PCSK2: variants seen among roughly 807,000 people sequenced by gnomAD.
The protein encoded by PCSK2 is neuroendocrine convertase 2.
In PCSK2, 14 loss-of-function variants were observed where a neutral mutation model predicts 69.7. The observed-to-expected ratio is 0.20, with a 90% CI of 0.13 to 0.31. The LOEUF is 0.31. PCSK2 is among the 10% of genes least tolerant of loss of function. The pLI is 1.00. For missense variants in PCSK2, 544 were observed against 842.5 expected (o/e 0.65, Z 4.39); for synonymous variants, 307 against 320.7 (o/e 0.96, Z 0.46).
chr20:17,342,858 A>G (rs1990546708), intron 2 of PCSK2, among the ~76,000 whole-genome samples: 1 of 150,440 alleles, frequency 6.6e-6, no homozygotes, highest in Non-Finnish European at 1.5e-5. Context: ...GTCTTGCTAT[A>G]TTGCCCAGGC....
At chr20:17,461,250 A>G (rs2033009657) in intron 10 of PCSK2, among the ~76,000 whole-genome samples, 1 of 152,200 alleles carries the variant, frequency 6.6e-6, no homozygotes, top group Non-Finnish European at 1.5e-5. Context: ...GACGTGAGCA[A>G]ACAAAGGCTA....
At chr20:17,431,129 T>A (rs2032356654) in intron 7 of PCSK2, among the ~76,000 whole-genome samples, 1 of 150,878 alleles carries the variant, frequency 6.6e-6, no homozygotes, top group African/African-American at 2.4e-5. Flanking sequence ...GAAGCCAGAG[T>A]GAGGGAGTTG....
chr20:17,380,992 C>A (rs992006968), intron 5 of PCSK2, among the ~76,000 whole-genome samples: 7 of 152,158 alleles, frequency 4.6e-5, no homozygotes, highest in African/African-American at 1.7e-4. Context: ...AATCACTTGC[C>A]TACAAGCTTT....
chr20:17,278,846 T>A (rs1444440942), intron 2 of PCSK2, among the ~76,000 whole-genome samples: 1 of 151,494 alleles, frequency 6.6e-6, no homozygotes, highest in Admixed American at 6.6e-5. Context: ...AAGACCTCTG[T>A]TGCCTTTTTT....
intron 2 of PCSK2, among the ~76,000 whole-genome samples, chr20:17,345,969 A>G (rs549899467): frequency 6.0e-4 from 91 of 152,286 alleles, no homozygotes; most frequent in Non-Finnish European, 1.0e-3. Flanking sequence ...AGCTCTTTCC[A>G]TTGAAGCTTG....
At chr20:17,403,863 G>A (rs1006662236) in intron 5 of PCSK2, among the ~76,000 whole-genome samples, 1 of 152,184 alleles carries the variant, frequency 6.6e-6, no homozygotes, top group East Asian at 1.9e-4. Context: ...TCGGGTTTGT[G>A]CACAACTATA....
At chr20:17,323,471 T>G (rs1989940659) in intron 2 of PCSK2, among the ~76,000 whole-genome samples, 1 of 152,144 alleles carries the variant, frequency 6.6e-6, no homozygotes, top group Non-Finnish European at 1.5e-5. Context: ...CAAACTAATA[T>G]AATCGGTTCA....
intron 6 of PCSK2, among the ~76,000 whole-genome samples, chr20:17,419,902 A>G (rs1378935363): frequency 6.6e-6 from 1 of 152,202 alleles, no homozygotes; most frequent in Non-Finnish European, 1.5e-5. Context: ...AGCATACTCT[A>G]TCTATTAAAC....
intron 2 of PCSK2, among the ~76,000 whole-genome samples, chr20:17,333,003 TG>T (rs780208924): frequency 6.6e-6 from 1 of 152,200 alleles, no homozygotes; most frequent in Non-Finnish European, 1.5e-5. Context: ...AGAACATCAT[TG>T]GGACAATTGA....
chr20:17,437,924 A>G (rs1223625621), intron 8 of PCSK2, among the ~76,000 whole-genome samples: 3 of 152,120 alleles, frequency 2.0e-5, no homozygotes, highest in African/African-American at 7.2e-5. Flanking sequence ...CGCGTGGCAC[A>G]GCTCCCACCC....
chr20:17,330,783 G>T (rs1029178516), intron 2 of PCSK2, among the ~76,000 whole-genome samples: 1 of 152,130 alleles, frequency 6.6e-6, no homozygotes, highest in Non-Finnish European at 1.5e-5. Flanking sequence ...AACAATCCAG[G>T]CCTCAGGATG....
intron 5 of PCSK2, 134 bp downstream of exon 5, chr20:17,369,411 CACACA>C: frequency 1.4e-6 from 1 of 740,142 alleles, no homozygotes; most frequent in Admixed American, 2.0e-5. Flanking sequence ...CACACACACA[CACACA>C]GGAGTACAGC....
At chr20:17,369,626 G>A (rs1189113521) in intron 5 of PCSK2, among the ~76,000 whole-genome samples, 1 of 152,202 alleles carries the variant, frequency 6.6e-6, no homozygotes, top group Non-Finnish European at 1.5e-5. Context: ...AAGGCATGTG[G>A]CCTGGCAGCA....
intron 8 of PCSK2, among the ~76,000 whole-genome samples, chr20:17,450,263 C>G (rs1466974886): frequency 1.3e-5 from 2 of 151,288 alleles, no homozygotes; most frequent in Non-Finnish European, 3.0e-5. Flanking sequence ...CTCCTGACCT[C>G]GTGATCCGCC....
chr20:17,450,933 C>A (rs1568655767), intron 8 of PCSK2, among the ~76,000 whole-genome samples: 1 of 151,996 alleles, frequency 6.6e-6, no homozygotes, highest in African/African-American at 2.4e-5. Context: ...CAGCAACAGC[C>A]CCATCCCATA....
intron 5 of PCSK2, among the ~76,000 whole-genome samples, chr20:17,371,121 T>C (rs73257636): frequency 9.4e-4 from 143 of 152,276 alleles, no homozygotes; most frequent in African/African-American, 3.3e-3. Flanking sequence ...GACTTCAAGG[T>C]GGGGTGGTAC....
chr20:17,344,584 A>G (rs1990595540), intron 2 of PCSK2, among the ~76,000 whole-genome samples: 1 of 152,186 alleles, frequency 6.6e-6, no homozygotes, highest in African/African-American at 2.4e-5. Context: ...CACTCTGAAG[A>G]AGGTTTAAGG....
intron 2 of PCSK2, among the ~76,000 whole-genome samples, chr20:17,291,758 T>A (rs948892795): frequency 6.6e-6 from 1 of 152,186 alleles, no homozygotes; most frequent in Admixed American, 6.5e-5. Flanking sequence ...AAGGGTTTTC[T>A]TTTCTCACAG....
At chr20:17,226,341 G>A (rs1985898693), upstream of PCSK2, 7 of 152,060 alleles carry the variant, frequency 4.6e-5, no homozygotes, top group South Asian at 1.5e-3. Flanking sequence ...ACAAGGGCTC[G>A]TCCTTGCACT....
Sources: gnomAD v4.1 joint callset for allele counts (sites outside exome capture counted in the v4.1 genomes callset) on GRCh38, gnomAD v4.1.1 for gene constraint, MANE v1.5 for transcripts, NCBI Gene and HGNC (gene_info 2026-07-23, HGNC 2026-07-21) for gene names.